MCMBP: variants seen among roughly 807,000 people sequenced by gnomAD.
The protein encoded by MCMBP is mini-chromosome maintenance complex-binding protein.
MCMBP carries 31 observed loss-of-function variants against 81.3 expected under a neutral mutation model. The observed-to-expected ratio is 0.38, with a 90% confidence interval of 0.29 to 0.51. The LOEUF is 0.51. MCMBP is among the 20% of genes least tolerant of loss of function. The pLI is 0.87. For missense variants in MCMBP, 645 were observed against 772.1 expected (o/e 0.84, Z 1.95); for synonymous variants, 267 against 275.9 (o/e 0.97, Z 0.32).
At chr10:119,857,276 ATAAT>A (rs1490508371) in intron 5 of MCMBP, 58 bp downstream of exon 5, 11 of 1,206,680 alleles carry the variant, frequency 9.1e-6, no homozygotes, top group Non-Finnish European at 1.3e-5. Context: ...CAAAGGAAGA[ATAAT>A]TAAAGGCTAA....
intron 1 of MCMBP, 73 bp from the exon 2 acceptor site, chr10:119,859,957 A>T (rs1274188219): frequency 8.7e-7 from 1 of 1,143,332 alleles, no homozygotes; most frequent in Non-Finnish European, 1.3e-6. Context: ...CAGGTGAGTC[A>T]CACAATAGTT....
At position 119,859,044 on chromosome 10, in the gene MCMBP, T is replaced by C. The variant is rs1853150664; in HGVS notation, c.282A>G (p.Ala94=). 1.2e-6 allele frequency: 2 copies of C among 1,613,518 alleles called. No individual in the cohort carries two copies. The highest frequency in any genetic ancestry group is 8.5e-7 in the Non-Finnish European group (1 of 1,179,698). Residue 94 remains alanine (A), a synonymous_variant, in exon 3 of 16, where the codon GCA becomes GCG. Coordinates refer to ENST00000369077, the MANE Select transcript of MCMBP (RefSeq NM_001256378.2). ...TCATGAAAACAGCAATACTTACATG[T>C]GCTTTTGTGTTTTGGTTAACCGTTT... ...VYETVNQNTK[A]HVLHFGKYRD...
At chr10:119,862,143 C>G (rs1276631166) in intron 1 of MCMBP, among the ~76,000 whole-genome samples, 1 of 152,106 alleles carries the variant, frequency 6.6e-6, no homozygotes. Flanking sequence ...CCCTTTTCTA[C>G]TAAAAATACA....
chr10:119,855,234 A>G (rs1459381308), intron 5 of MCMBP, among the ~76,000 whole-genome samples: 1 of 152,202 alleles, frequency 6.6e-6, no homozygotes, highest in Non-Finnish European at 1.5e-5. Context: ...AAATATTTTG[A>G]ATTAAATGAC....
upstream of MCMBP, among the ~76,000 whole-genome samples, chr10:119,873,247 C>CT (rs575958255): frequency 2.6e-5 from 4 of 152,076 alleles, no homozygotes; most frequent in South Asian, 2.1e-4. Context: ...CCTTTTTTTT[C>CT]TTTTTTTGCT....
intron 8 of MCMBP, 98 bp downstream of exon 8, chr10:119,847,515 A>G (rs1216350828): frequency 5.0e-6 from 3 of 603,346 alleles, no homozygotes; most frequent in East Asian, 3.0e-5. Flanking sequence ...TCTGGGAGAA[A>G]GGGAAAAGGG....
At chr10:119,846,595 T>G (rs1272307770) in intron 8 of MCMBP, among the ~76,000 whole-genome samples, 1 of 152,176 alleles carries the variant, frequency 6.6e-6, no homozygotes, top group Non-Finnish European at 1.5e-5. Context: ...CTTAACCAAC[T>G]AATGAAAATT....
chr10:119,861,485 A>G (rs868627737), intron 1 of MCMBP, among the ~76,000 whole-genome samples: 6 of 152,110 alleles, frequency 3.9e-5, no homozygotes, highest in Admixed American at 2.6e-4. Flanking sequence ...ACTGACTATA[A>G]TGCACATTGA....
chr10:119,857,286 G>T, intron 5 of MCMBP, 52 bp downstream of exon 5: 1 of 1,278,138 alleles, frequency 7.8e-7, no homozygotes, highest in Non-Finnish European at 1.1e-6. Flanking sequence ...ATAATTAAAG[G>T]CTAAGTTTTT....
In MCMBP at chr10:119,847,694, C is replaced by G. The variant is rs778997516; in HGVS notation, c.746G>C (p.Cys249Ser). 1 of 1,608,048 alleles carries G rather than the reference C, an allele frequency of 6.2e-7. No individual in the cohort carries two copies. Among genetic ancestry groups the G allele is most frequent in the South Asian group, 1.1e-5 (1 of 90,928 alleles). Residue 249 changes from cysteine (C) to serine (S), a missense_variant, in exon 8 of 16, where the codon TGT becomes TCT. Coordinates refer to ENST00000369077, the MANE Select transcript of MCMBP (RefSeq NM_001256378.2). ...CTCAAGAATGTCATTTACTTTGAAACAATCCCAATCTTCATAAACCTAACA... is the reference window on the plus strand; with the variant it reads ...CTCAAGAATGTCATTTACTTTGAAAGAATCCCAATCTTCATAAACCTAACA... Reference protein sequence around the residue: ...CLVKVYEDWDCFKVNDILELY... With the variant: ...CLVKVYEDWDSFKVNDILELY...
At chr10:119,854,586 T>C (rs1018899979) in intron 5 of MCMBP, among the ~76,000 whole-genome samples, 4 of 146,320 alleles carry the variant, frequency 2.7e-5, no homozygotes, top group Non-Finnish European at 6.1e-5. Context: ...TAAAACAAAA[T>C]GAAGGTGGAA....
Position 119,843,270 on chromosome 10 carries a change from TTTG to T in MCMBP, c.981_983del (p.Asn327del). ...TACACTTACAGGTTTTGCTCTCCTC[TTTG>T]TTAAGGCAGGCAGGCAATAATGGGT... is the stretch of plus-strand genomic sequence containing the variant. On this transcript the variant is annotated inframe_deletion, in exon 9 of 16. Transcript: ENST00000369077. The T allele has an allele frequency of 1.2e-6, 2 of 1,613,802 alleles. No homozygotes were observed. The highest frequency in any genetic ancestry group is 1.1e-5 in the South Asian group (1 of 91,074).
At position 119,868,498 on chromosome 10, in the gene MCMBP, A is replaced by T. The variant is rs1056791313; in HGVS notation, c.58+4029T>A. Reference sequence around the variant, plus strand: ...ATTTCAATTAACAACATTTCTGATTAATCAGTCTTTTCACTGCTTTTGTTC... The same window carrying T: ...ATTTCAATTAACAACATTTCTGATTTATCAGTCTTTTCACTGCTTTTGTTC... On this transcript the variant is annotated intron_variant, in intron 1 of 15. Coordinates refer to ENST00000369077, the MANE Select transcript of MCMBP (RefSeq NM_001256378.2). Among the ~76,000 whole-genome samples the T allele has an allele frequency of 3.2e-4, 48 of 152,338 alleles. No individual in the cohort carries two copies. The Middle Eastern group carries it at 0.01, about 32-fold the overall frequency.
intron 1 of MCMBP, among the ~76,000 whole-genome samples, chr10:119,865,482 T>C (rs954574216): frequency 6.6e-6 from 1 of 152,142 alleles, no homozygotes; most frequent in African/African-American, 2.4e-5. Context: ...TCCCAGCTAC[T>C]TGGGAGGCTG....
chr10:119,854,944 C>T (rs1178684370), intron 5 of MCMBP, among the ~76,000 whole-genome samples: 1 of 145,702 alleles, frequency 6.9e-6, no homozygotes, highest in Non-Finnish European at 1.5e-5. Context: ...CAGAGCAGGA[C>T]TCTGCCTCAA....
At chr10:119,854,967 A>T (rs991159317) in intron 5 of MCMBP, among the ~76,000 whole-genome samples, 26 of 149,642 alleles carry the variant, frequency 1.7e-4, no homozygotes, top group Non-Finnish European at 3.1e-4. Flanking sequence ...AAAAAAAAAA[A>T]AAAAATAAAA....
chr10:119,837,648 A>G (rs2244165), intron 12 of MCMBP, among the ~76,000 whole-genome samples: 107,634 of 151,948 alleles, frequency 0.71, 38,360 homozygotes, highest in East Asian at 0.81. Context: ...GCCAGGCGTG[A>G]TGGCGGGTGC....
At chr10:119,871,804 T>TTA (rs1853683946) in intron 1 of MCMBP, among the ~76,000 whole-genome samples, 1 of 152,172 alleles carries the variant, frequency 6.6e-6, no homozygotes, top group Non-Finnish European at 1.5e-5. Flanking sequence ...CGACAACAAA[T>TTA]ATAAACTTTT....
intron 12 of MCMBP, 71 bp from the exon 13 acceptor site, chr10:119,837,100 G>A (rs1852274126): frequency 5.4e-6 from 8 of 1,477,588 alleles, no homozygotes; most frequent in African/African-American, 2.8e-5. Flanking sequence ...TGCTGACACC[G>A]ATGATGAGCC....
Sources: gnomAD v4.1 joint callset for allele counts (sites outside exome capture counted in the v4.1 genomes callset) on GRCh38, gnomAD v4.1.1 for gene constraint, MANE v1.5 for transcripts, NCBI Gene and HGNC (gene_info 2026-07-23, HGNC 2026-07-21) for gene names.